SPATA17: variants seen among roughly 807,000 people sequenced by gnomAD.
SPATA17 encodes spermatogenesis associated 17.
A neutral mutation model predicts 62.2 loss-of-function variants in SPATA17; 53 were observed. The ratio of observed to expected loss-of-function variants is 0.85; its 90% CI spans 0.68 to 1.07. The LOEUF (loss-of-function observed/expected upper bound fraction) is 1.07, where lower values mean the gene tolerates loss of function less well. Among genes scored for constraint, SPATA17 ranks in the 50% least tolerant of loss-of-function variants. SPATA17 has a pLI of 0.00. For synonymous variants in SPATA17, 146 were observed against 146.8 expected (o/e 0.99, Z 0.04); for missense variants, 466 against 425.5 (o/e 1.10, Z -0.84).
At chr1:217,711,921 G>A (rs1671873890) in intron 5 of SPATA17, among the ~76,000 whole-genome samples, 1 of 152,146 alleles carries the variant, frequency 6.6e-6, no homozygotes, top group Admixed American at 6.5e-5. Flanking sequence ...ACCATTCTCA[G>A]TTACTGGCTG....
At chr1:217,679,154 C>T (rs1430795476) in intron 4 of SPATA17, among the ~76,000 whole-genome samples, 2 of 152,002 alleles carry the variant, frequency 1.3e-5, no homozygotes, top group Non-Finnish European at 2.9e-5. Flanking sequence ...ACTAGTCTCC[C>T]TATAATATAA....
intron 9 of SPATA17, among the ~76,000 whole-genome samples, chr1:217,849,462 C>T (rs1393710657): frequency 2.6e-5 from 4 of 152,060 alleles, no homozygotes; most frequent in Admixed American, 6.6e-5. Flanking sequence ...AAAAAACAAA[C>T]TTATACAATT....
intron 5 of SPATA17, among the ~76,000 whole-genome samples, chr1:217,687,641 T>C (rs1038945428): frequency 1.3e-5 from 2 of 152,204 alleles, no homozygotes; most frequent in African/African-American, 4.8e-5. Context: ...AGCCAGAAGC[T>C]ATACCTAGGT....
intron 5 of SPATA17, among the ~76,000 whole-genome samples, chr1:217,727,826 G>A (rs539851850): frequency 1.3e-5 from 2 of 152,224 alleles, no homozygotes; most frequent in African/African-American, 4.8e-5. Flanking sequence ...CTACACCAAT[G>A]AATAGTTTCG....
chr1:217,804,308 G>A lies in SPATA17; in HGVS notation c.1005+2458G>A, dbSNP rs116821302. ...TCCCAAATACACACAGTGGGGACAGGATGGTCTCTTCAACAAATAGTGATG... is the reference window on the plus strand; with the variant it reads ...TCCCAAATACACACAGTGGGGACAGAATGGTCTCTTCAACAAATAGTGATG... On this transcript the variant is annotated intron_variant, in intron 9 of 10. Transcript: ENST00000366933. Among the ~76,000 whole-genome samples the A allele has an allele frequency of 5.4e-3, 820 of 152,270 alleles. 7 individuals are homozygous for A. The highest frequency in any genetic ancestry group is 0.018 in the African/African-American group (758 of 41,554).
intron 5 of SPATA17, among the ~76,000 whole-genome samples, chr1:217,703,986 A>G (rs1671666055): frequency 6.6e-6 from 1 of 152,012 alleles, no homozygotes; most frequent in Admixed American, 6.5e-5. Context: ...CTCTTTTAAT[A>G]AAATCCTCTC....
At chr1:217,760,710 A>T (rs1028502312) in intron 6 of SPATA17, among the ~76,000 whole-genome samples, 4 of 152,192 alleles carry the variant, frequency 2.6e-5, no homozygotes, top group Admixed American at 6.5e-5. Flanking sequence ...CATTTTCTTT[A>T]ACAAAAGAAA....
At chr1:217,817,454 G>A (rs1050959337) in intron 9 of SPATA17, among the ~76,000 whole-genome samples, 1 of 151,976 alleles carries the variant, frequency 6.6e-6, no homozygotes, top group Non-Finnish European at 1.5e-5. Flanking sequence ...TTCCCCTTCT[G>A]CCATGATTGT....
At chr1:217,844,020 C>T (rs1675468863) in intron 9 of SPATA17, among the ~76,000 whole-genome samples, 1 of 152,054 alleles carries the variant, frequency 6.6e-6, no homozygotes, top group South Asian at 2.1e-4. Flanking sequence ...GGTGTGGAGG[C>T]CAGCTAAAAG....
chr1:217,685,415 G>A lies in SPATA17; in HGVS notation c.395+2054G>A, dbSNP rs1205541909. ...CCTGATTTTAATAGGAATATCTCTAGTCAGTAGAGAGTCTGGTATATCAGT... is the reference window on the plus strand; with the variant it reads ...CCTGATTTTAATAGGAATATCTCTAATCAGTAGAGAGTCTGGTATATCAGT... On this transcript the variant is annotated intron_variant, in intron 5 of 10. Transcript: ENST00000366933. Among the ~76,000 whole-genome samples, 7 of 152,246 alleles carry A rather than the reference G, an allele frequency of 4.6e-5. No homozygotes were observed. In the East Asian group the frequency reaches 1.3e-3, roughly 29 times the overall value.
intron 9 of SPATA17, among the ~76,000 whole-genome samples, chr1:217,803,843 C>T (rs1674371118): frequency 6.6e-6 from 1 of 152,070 alleles, no homozygotes; most frequent in African/African-American, 2.4e-5. Flanking sequence ...CTTGGTGAAA[C>T]CCTGCCTTTA....
At position 217,783,178 on chromosome 1, in the gene SPATA17, A is replaced by G. The variant is rs371229589; in HGVS notation, c.872+856A>G. ...TGTGCTAATTGTTACATAATAATTT[A>G]TATGATAATTATAAAATATTTTAAA... On this transcript the variant is annotated intron_variant, in intron 8 of 10. Coordinates refer to ENST00000366933, the MANE Select transcript of SPATA17 (RefSeq NM_138796.4). 1.3e-4 allele frequency among the ~76,000 whole-genome samples: 20 copies of G among 150,672 alleles called. 1 individual carries two copies. The highest frequency in any genetic ancestry group is 1.2e-3 in the East Asian group (6 of 5,162).
At position 217,861,072 on chromosome 1, in the gene SPATA17, G is replaced by A. The variant is rs566161957; in HGVS notation, c.1006-1702G>A. Among the ~76,000 whole-genome samples, 3 of 152,052 alleles carry A rather than the reference G, an allele frequency of 2.0e-5. No individual in the cohort carries two copies. In the South Asian group the frequency reaches 6.2e-4, roughly 32 times the overall value. On this transcript the variant is annotated intron_variant, in intron 9 of 10. Coordinates refer to ENST00000366933, the MANE Select transcript of SPATA17 (RefSeq NM_138796.4). ...AACACTATACTGCTTCAGGGGTAGT[G>A]CAGTTACCTTATAACAGATTATTCC... is the stretch of plus-strand genomic sequence containing the variant.
intron 6 of SPATA17, among the ~76,000 whole-genome samples, chr1:217,747,184 A>G (rs766440807): frequency 6.6e-6 from 1 of 152,100 alleles, no homozygotes; most frequent in Non-Finnish European, 1.5e-5. Context: ...ATCTTTCTCT[A>G]AAGATTGATT....
chr1:217,841,998 G>A (rs890137382), intron 9 of SPATA17, among the ~76,000 whole-genome samples: 1 of 151,528 alleles, frequency 6.6e-6, no homozygotes, highest in African/African-American at 2.4e-5. Flanking sequence ...TGGTTCCTAT[G>A]TTTTTGTTTT....
At chr1:217,727,015 A>G (rs1672277631) in intron 5 of SPATA17, among the ~76,000 whole-genome samples, 1 of 151,984 alleles carries the variant, frequency 6.6e-6, no homozygotes, top group African/African-American at 2.4e-5. Context: ...TGGGAGGCTG[A>G]GGCGGGCGGA....
intron 5 of SPATA17, among the ~76,000 whole-genome samples, chr1:217,687,519 T>G (rs966982442): frequency 1.3e-5 from 2 of 152,260 alleles, no homozygotes; most frequent in Admixed American, 1.3e-4. Context: ...ACTATACTTT[T>G]ACTGTACCTT....
intron 9 of SPATA17, among the ~76,000 whole-genome samples, chr1:217,853,967 C>T (rs1423989973): frequency 6.6e-6 from 1 of 152,114 alleles, no homozygotes; most frequent in African/African-American, 2.4e-5. Context: ...ATGAACGATT[C>T]GTGAATCGGG....
At chr1:217,858,021 C>T (rs892097894) in intron 9 of SPATA17, among the ~76,000 whole-genome samples, 1 of 152,134 alleles carries the variant, frequency 6.6e-6, no homozygotes, top group African/African-American at 2.4e-5. Context: ...AGTGATGCTT[C>T]ATTATATCAG....
Sources: allele counts gnomAD v4.1 joint callset (sites outside exome capture counted in the v4.1 genomes callset), GRCh38; gene constraint gnomAD v4.1.1; transcripts MANE v1.5; gene names NCBI Gene and HGNC (gene_info 2026-07-23, HGNC 2026-07-21).